PHACTR3: variants seen among roughly 807,000 people sequenced by gnomAD.
PHACTR3 encodes phosphatase and actin regulator 3.
A neutral mutation model predicts 66.8 loss-of-function variants in PHACTR3; 16 were observed. That is an observed-to-expected ratio of 0.24 (90% CI 0.16 to 0.36). PHACTR3 has a LOEUF of 0.36. Ranked by LOEUF, PHACTR3 falls within the 10% of genes least tolerant of loss-of-function variation. PHACTR3 has a pLI of 1.00. For synonymous variants in PHACTR3, 323 were observed against 292.1 expected (o/e 1.11, Z -1.08); for missense variants, 647 against 719.9 (o/e 0.90, Z 1.16).
At chr20:59,770,951 A>G (rs369864430) in intron 5 of PHACTR3, among the ~76,000 whole-genome samples, 5 of 152,158 alleles carry the variant, frequency 3.3e-5, no homozygotes, top group East Asian at 1.9e-4. Context: ...CTCAGCCCCC[A>G]CCTTTTCCTG....
At chr20:59,639,811 T>A (rs2035036700) in intron 1 of PHACTR3, among the ~76,000 whole-genome samples, 1 of 152,236 alleles carries the variant, frequency 6.6e-6, no homozygotes, top group South Asian at 2.1e-4. Flanking sequence ...TACCTTCATT[T>A]CTTTTCTCTT....
At chr20:59,769,240 G>A (rs964314232) in intron 5 of PHACTR3, among the ~76,000 whole-genome samples, 1 of 152,214 alleles carries the variant, frequency 6.6e-6, no homozygotes, top group Non-Finnish European at 1.5e-5. Flanking sequence ...GGGTTGAATG[G>A]TGTCACCCCA....
At chr20:59,765,808 A>T (rs1216192073) in intron 4 of PHACTR3, among the ~76,000 whole-genome samples, 1 of 152,220 alleles carries the variant, frequency 6.6e-6, no homozygotes, top group South Asian at 2.1e-4. Flanking sequence ...TAGATGAATG[A>T]ACCCCATAGG....
intron 8 of PHACTR3, among the ~76,000 whole-genome samples, chr20:59,816,334 T>A (rs2041887367): frequency 6.6e-6 from 1 of 152,180 alleles, no homozygotes; most frequent in Non-Finnish European, 1.5e-5. Context: ...TAGGCTAGGT[T>A]GCCCCAGATG....
chr20:59,837,086 G>C (rs1428781759), intron 9 of PHACTR3, among the ~76,000 whole-genome samples: 1 of 152,138 alleles, frequency 6.6e-6, no homozygotes, highest in Non-Finnish European at 1.5e-5. Flanking sequence ...GACAATTATA[G>C]CATATGCTGA....
chr20:59,774,003 G>A (rs574008780), intron 6 of PHACTR3, among the ~76,000 whole-genome samples: 5 of 152,346 alleles, frequency 3.3e-5, no homozygotes, highest in African/African-American at 1.2e-4. Flanking sequence ...TTGATTGCAT[G>A]TATTTTGGCA....
rs151133365 is a variant in PHACTR3, at chr20:59,841,757, A to G, written c.1587+222A>G. On this transcript the variant is annotated intron_variant, in intron 11 of 12. Coordinates refer to ENST00000371015, the MANE Select transcript of PHACTR3 (RefSeq NM_080672.5). ...GGGACATTTGGCAATGTCTAGAGACATTTTTGATTGTCACAACTCGGGATG... is the reference window on the plus strand; with the variant it reads ...GGGACATTTGGCAATGTCTAGAGACGTTTTTGATTGTCACAACTCGGGATG... 1.9e-3 allele frequency among the ~76,000 whole-genome samples: 285 copies of G among 152,246 alleles called. 2 individuals are homozygous for G. Among genetic ancestry groups the G allele is most frequent in the African/African-American group, 6.2e-3 (259 of 41,536 alleles).
chr20:59,829,913 G>A lies in PHACTR3; in HGVS notation c.1329-6592G>A, dbSNP rs2042302332. 6.6e-6 allele frequency among the ~76,000 whole-genome samples: 1 copy of A among 152,222 alleles called. No individual in the cohort carries two copies. Among genetic ancestry groups the A allele is most frequent in the South Asian group, 2.1e-4 (1 of 4,830 alleles). ...GTTTAGTGGGGCAGCCTGGCTGGGT[G>A]GGGCTTCATTGGGGAAGCAAAGCTT... On this transcript the variant is annotated intron_variant, in intron 8 of 12. Coordinates refer to ENST00000371015, the MANE Select transcript of PHACTR3 (RefSeq NM_080672.5). This position sits in a 1 kb window ranked among gnomAD's most constrained non-coding sequence, Gnocchi z 4.2.
intron 1 of PHACTR3, among the ~76,000 whole-genome samples, chr20:59,631,336 C>T (rs2034654888): frequency 6.6e-6 from 1 of 152,208 alleles, no homozygotes; most frequent in South Asian, 2.1e-4. Context: ...TTTTAATGAG[C>T]TCCTGGGGGA....
chr20:59,767,830 ATTCCTTTCCT>A (rs2040232103), intron 5 of PHACTR3, among the ~76,000 whole-genome samples: 3 of 150,106 alleles, frequency 2.0e-5, no homozygotes, highest in Non-Finnish European at 4.5e-5. Context: ...ATTCCATTCC[ATTCCTTTCCT>A]TTCCATTCCT....
In PHACTR3 at chr20:59,653,312, G is replaced by A. The variant is rs554958289; in HGVS notation, c.118+48180G>A. Among the ~76,000 whole-genome samples, 8 of 151,896 alleles carry A rather than the reference G, an allele frequency of 5.3e-5. No homozygotes were observed. The South Asian group carries it at 6.3e-4, about 12-fold the overall frequency. On this transcript the variant is annotated intron_variant, in intron 1 of 12. Transcript: ENST00000371015. Reference sequence around the variant, plus strand: ...CGATTTTCCTGTCTCAGCCTTCTAAGTAGCTGGGATTAGAGGTGCTTGCCA... The same window carrying A: ...CGATTTTCCTGTCTCAGCCTTCTAAATAGCTGGGATTAGAGGTGCTTGCCA...
At chr20:59,674,917 C>G (rs2041220895) in intron 1 of PHACTR3, among the ~76,000 whole-genome samples, 1 of 56,322 alleles carries the variant, frequency 1.8e-5, no homozygotes, top group Middle Eastern at 0.013. Context: ...TTCTCCTATC[C>G]CCCCTTCTAC....
chr20:59,766,715 G>A (rs543528153), intron 4 of PHACTR3, among the ~76,000 whole-genome samples: 19 of 152,338 alleles, frequency 1.2e-4, no homozygotes, highest in African/African-American at 4.6e-4. Flanking sequence ...TGGACTGGAG[G>A]GTTACACTGT....
intron 1 of PHACTR3, among the ~76,000 whole-genome samples, chr20:59,641,021 A>G (rs1381738974): frequency 6.6e-6 from 1 of 152,176 alleles, no homozygotes; most frequent in Non-Finnish European, 1.5e-5. Context: ...TGGGGAGAAG[A>G]TATAGATAGA....
intron 7 of PHACTR3, among the ~76,000 whole-genome samples, chr20:59,794,432 T>C (rs1339844305): frequency 6.6e-6 from 1 of 152,208 alleles, no homozygotes; most frequent in African/African-American, 2.4e-5. Flanking sequence ...AAATGTGTTG[T>C]TGAATCTAGT....
At chr20:59,832,619 C>A in intron 8 of PHACTR3, among the ~76,000 whole-genome samples, 1 of 152,060 alleles carries the variant, frequency 6.6e-6, no homozygotes. Context: ...CGCCCACACC[C>A]CATCTCACCC....
chr20:59,583,127 G>A (rs1025333057), intron 1 of PHACTR3, among the ~76,000 whole-genome samples: 7 of 152,120 alleles, frequency 4.6e-5, no homozygotes, highest in Admixed American at 3.9e-4. Flanking sequence ...TTTGAGGCTT[G>A]TATAGCTTTT....
At chr20:59,805,073 A>T (rs2041525838) in intron 7 of PHACTR3, among the ~76,000 whole-genome samples, 1 of 152,228 alleles carries the variant, frequency 6.6e-6, no homozygotes, top group Non-Finnish European at 1.5e-5. Flanking sequence ...CTGCAGTGGC[A>T]GGGCAGGTGG....
intron 1 of PHACTR3, among the ~76,000 whole-genome samples, chr20:59,578,363 G>A (rs1366471780): frequency 6.6e-6 from 1 of 152,194 alleles, no homozygotes; most frequent in Non-Finnish European, 1.5e-5. Flanking sequence ...TGGGGTGGAG[G>A]AGAGCTAGGC....
Sources: gnomAD v4.1 joint callset for allele counts (sites outside exome capture counted in the v4.1 genomes callset) on GRCh38, gnomAD v4.1.1 for gene constraint, Gnocchi (gnomAD v3.1) non-coding constraint, MANE v1.5 for transcripts, NCBI Gene and HGNC (gene_info 2026-07-23, HGNC 2026-07-21) for gene names.